The following PHACTR3 variants were observed in gnomAD, a reference collection of about 807,000 sequenced individuals.
PHACTR3 encodes the protein protein phosphatase 1, regulatory subunit 123.
Under a neutral mutation model 66.8 loss-of-function variants are expected in PHACTR3, and 16 were observed. That is an observed-to-expected ratio of 0.24 (90% CI 0.16 to 0.36). PHACTR3 has a LOEUF of 0.36. Among genes scored for constraint, PHACTR3 ranks in the 10% least tolerant of loss-of-function variants. The pLI is 1.00. For synonymous variants in PHACTR3, 323 were observed against 292.1 expected (o/e 1.11, Z -1.08); for missense variants, 647 against 719.9 (o/e 0.90, Z 1.16).
chr20:59,666,648 AAGACAGAGAGAT>A (rs2146492510), intron 1 of PHACTR3, among the ~76,000 whole-genome samples: 1 of 152,046 alleles, frequency 6.6e-6, no homozygotes, highest in African/African-American at 2.4e-5. Context: ...GAGAGAGACA[AAGACAGAGAGAT>A]AGAGAAACAG....
rs781320395 is a variant in PHACTR3 at position 59,605,048 on chromosome 20, G to C, written c.34G>C (p.Val12Leu). The change falls in exon 1 of 13, where the codon GTG becomes CTG. Residue 12 changes from valine to leucine, a missense_variant. Coordinates refer to ENST00000371015, the MANE Select transcript of PHACTR3 (RefSeq NM_080672.5). ...GTCGGAGGACGGGAGCGGCTGCCTC[G>C]TGTCGCGGGGCCGCTCGCAGAGTGA... ...AASEDGSGCL[V>L]SRGRSQSDPS... 401 of 1,380,374 alleles carry C rather than the reference G, an allele frequency of 2.9e-4. 1 individual carries two copies. Among genetic ancestry groups the C allele is most frequent in the Non-Finnish European group, 3.7e-4 (388 of 1,058,832 alleles). 85.5% of individuals were successfully genotyped at this position (1,380,374 alleles called of 1,614,324 possible).
At chr20:59,609,702 A>G (rs368942048) in intron 1 of PHACTR3, among the ~76,000 whole-genome samples, 2 of 152,106 alleles carry the variant, frequency 1.3e-5, no homozygotes, top group East Asian at 3.9e-4. Context: ...TGTCTGTACC[A>G]TGGCTCTTTC....
intron 1 of PHACTR3, among the ~76,000 whole-genome samples, chr20:59,679,746 A>G (rs1227149539): frequency 6.6e-6 from 1 of 152,172 alleles, no homozygotes; most frequent in African/African-American, 2.4e-5. Flanking sequence ...AGCAGACAAG[A>G]GATAATGAGG....
chr20:59,780,580 T>G lies in PHACTR3; in HGVS notation c.1174+6090T>G, dbSNP rs1033728535. 5.3e-5 allele frequency among the ~76,000 whole-genome samples: 8 copies of G among 152,278 alleles called. No homozygotes were observed. In the East Asian group the frequency reaches 1.5e-3, roughly 29 times the overall value. On this transcript the variant is annotated intron_variant, in intron 7 of 12. Coordinates refer to ENST00000371015, the MANE Select transcript of PHACTR3 (RefSeq NM_080672.5). ...ATGATCTAATCACCTTCCAAGACCC[T>G]ACCCCCCGAATACCATCACATTGGG... is the stretch of plus-strand genomic sequence containing the variant.
intron 1 of PHACTR3, among the ~76,000 whole-genome samples, chr20:59,584,293 C>T (rs558825086): frequency 1.3e-4 from 20 of 151,196 alleles, no homozygotes; most frequent in Middle Eastern, 3.4e-3. Flanking sequence ...AGAGTGTGTA[C>T]GTGCCTGTGT....
chr20:59,813,965 C>A (rs752086481), intron 8 of PHACTR3, among the ~76,000 whole-genome samples: 2 of 152,246 alleles, frequency 1.3e-5, no homozygotes, highest in Non-Finnish European at 2.9e-5. Flanking sequence ...GCTGAAAGTG[C>A]CGTTTACTCA....
intron 1 of PHACTR3, among the ~76,000 whole-genome samples, chr20:59,615,330 G>A (rs766064480): frequency 2.2e-4 from 33 of 152,160 alleles, no homozygotes; most frequent in African/African-American, 3.6e-4. Context: ...CTTGTGGCCC[G>A]GCCATGATTA....
At chr20:59,710,032 G>C (rs1377165506) in intron 1 of PHACTR3, among the ~76,000 whole-genome samples, 1 of 152,152 alleles carries the variant, frequency 6.6e-6, no homozygotes, top group Non-Finnish European at 1.5e-5. Context: ...AAAAAATCAG[G>C]TCTCAGGGAA....
At chr20:59,600,559 C>T (rs574113316), upstream of PHACTR3, among the ~76,000 whole-genome samples, 5 of 152,262 alleles carry the variant, frequency 3.3e-5, no homozygotes, top group South Asian at 4.1e-4. Flanking sequence ...CTCATACATG[C>T]GCTGTGTGTT....
chr20:59,783,132 C>T (rs960687900), intron 7 of PHACTR3, among the ~76,000 whole-genome samples: 5 of 152,196 alleles, frequency 3.3e-5, no homozygotes, highest in Non-Finnish European at 7.3e-5. Context: ...ACAGTCGTCT[C>T]CATGGTGACT....
intron 4 of PHACTR3, among the ~76,000 whole-genome samples, chr20:59,756,392 G>T (rs2039794708): frequency 6.6e-6 from 1 of 152,204 alleles, no homozygotes; most frequent in East Asian, 1.9e-4. Context: ...AGAGCGGGTG[G>T]ACACCTGGTC....
At chr20:59,737,648 A>C (rs1199928859) in intron 1 of PHACTR3, among the ~76,000 whole-genome samples, 1 of 152,038 alleles carries the variant, frequency 6.6e-6, no homozygotes, top group African/African-American at 2.4e-5. Context: ...AATAGTGAGG[A>C]GTGCCATCCC....
At chr20:59,775,079 G>A (rs1345607061) in intron 7 of PHACTR3, among the ~76,000 whole-genome samples, 4 of 78,290 alleles carry the variant, frequency 5.1e-5, no homozygotes, top group Admixed American at 1.4e-4. Flanking sequence ...CTCATGGTGC[G>A]TTCTCCCATG....
chr20:59,805,968 GACAA>G, intron 7 of PHACTR3, 69 bp from the exon 8 acceptor site: 1 of 1,512,050 alleles, frequency 6.6e-7, no homozygotes, highest in African/African-American at 1.4e-5. Flanking sequence ...CGGCTCCATT[GACAA>G]GCCAGCCCTC....
At chr20:59,785,074 G>A (rs1348149021) in intron 7 of PHACTR3, among the ~76,000 whole-genome samples, 2 of 152,334 alleles carry the variant, frequency 1.3e-5, no homozygotes, top group Non-Finnish European at 1.5e-5. Context: ...TCAGGCAGGA[G>A]GGGATGGGGT....
chr20:59,834,890 C>T (rs889692355), intron 8 of PHACTR3, among the ~76,000 whole-genome samples: 1 of 152,188 alleles, frequency 6.6e-6, no homozygotes, highest in Non-Finnish European at 1.5e-5. Context: ...TCTTGAGCCG[C>T]ATACATAAAA....
At chr20:59,790,322 T>A (rs2041051515) in intron 7 of PHACTR3, among the ~76,000 whole-genome samples, 1 of 152,132 alleles carries the variant, frequency 6.6e-6, no homozygotes, top group Admixed American at 6.5e-5. Context: ...CTGAGACTGG[T>A]TCTAAAAGCA....
At chr20:59,744,257 G>A (rs1435135235) in intron 2 of PHACTR3, among the ~76,000 whole-genome samples, 2 of 152,238 alleles carry the variant, frequency 1.3e-5, no homozygotes, top group Non-Finnish European at 2.9e-5. Context: ...CCAGCAGGTG[G>A]CGGGGCTGAG....
intron 1 of PHACTR3, among the ~76,000 whole-genome samples, chr20:59,693,504 G>T (rs1422508664): frequency 6.6e-6 from 1 of 152,152 alleles, no homozygotes; most frequent in African/African-American, 2.4e-5. Context: ...CCATCTATCA[G>T]AGATGACACA....
Sources: allele counts gnomAD v4.1 joint callset (sites outside exome capture counted in the v4.1 genomes callset), GRCh38; gene constraint gnomAD v4.1.1; transcripts MANE v1.5; gene names NCBI Gene and HGNC (gene_info 2026-07-23, HGNC 2026-07-21).